Variants in GREB1L observed in about 807,000 individuals in gnomAD.
GREB1L encodes the protein GREB1-like protein.
In GREB1L, 17 loss-of-function variants were observed where a neutral mutation model predicts 200.8. The observed-to-expected ratio is 0.08, with a 90% CI of 0.06 to 0.13. The LOEUF (loss-of-function observed/expected upper bound fraction) is 0.13. Among genes scored for constraint, GREB1L ranks in the 10% least tolerant of loss-of-function variants. The probability of loss-of-function intolerance (pLI) is 1.00; values close to 1 mark genes in which losing one functional copy is unlikely to be tolerated. For missense variants in GREB1L, 1,657 were observed against 2,367.7 expected (o/e 0.70, Z 6.23); for synonymous variants, 789 against 893.0 (o/e 0.88, Z 2.08).
At chr18:21,468,713 T>C in intron 15 of GREB1L, 1 of 456,682 alleles carries the variant, frequency 2.2e-6, no homozygotes, top group Non-Finnish European at 4.4e-6. Flanking sequence ...TCATGTCGTT[T>C]TTCCTGTTCC....
intron 15 of GREB1L, among the ~76,000 whole-genome samples, chr18:21,469,863 T>C (rs76779335): frequency 0.011 from 1,681 of 152,340 alleles, 23 homozygotes; most frequent in Middle Eastern, 0.027. Flanking sequence ...CACTGTCTTA[T>C]TAACAAAGAA....
At chr18:21,243,266 A>G (rs2037535888) in intron 1 of GREB1L, among the ~76,000 whole-genome samples, 1 of 152,138 alleles carries the variant, frequency 6.6e-6, no homozygotes, top group Non-Finnish European at 1.5e-5. Flanking sequence ...TTTCTCAGTT[A>G]CATGAGTCCA....
chr18:21,297,523 A>T (rs2038549729), intron 1 of GREB1L, among the ~76,000 whole-genome samples: 1 of 152,082 alleles, frequency 6.6e-6, no homozygotes. Flanking sequence ...TCATGTTGTG[A>T]TGGAAGAAGG....
intron 1 of GREB1L, among the ~76,000 whole-genome samples, chr18:21,276,251 G>A (rs911659587): frequency 3.9e-5 from 6 of 152,082 alleles, no homozygotes; most frequent in South Asian, 2.1e-4. Context: ...AACCAGTCCC[G>A]GAGGCCTCGG....
At chr18:21,444,138 C>T in intron 10 of GREB1L, 86 bp from the exon 11 acceptor site, 1 of 894,146 alleles carries the variant, frequency 1.1e-6, no homozygotes, top group East Asian at 2.8e-5. Context: ...TTTTGTTAAG[C>T]AGCTTTGATC....
intron 11 of GREB1L, among the ~76,000 whole-genome samples, chr18:21,445,264 G>A (rs553782418): frequency 7.2e-5 from 11 of 152,252 alleles, no homozygotes; most frequent in African/African-American, 2.6e-4. Context: ...CACCTGAGGT[G>A]GGGAGTTCGA....
intron 1 of GREB1L, among the ~76,000 whole-genome samples, chr18:21,275,258 G>A (rs1171922168): frequency 6.6e-6 from 1 of 151,748 alleles, no homozygotes; most frequent in African/African-American, 2.4e-5. Context: ...AAATAAAAAT[G>A]TTGGTTATAT....
At chr18:21,258,933 A>G (rs1054623608) in intron 1 of GREB1L, among the ~76,000 whole-genome samples, 3 of 152,172 alleles carry the variant, frequency 2.0e-5, no homozygotes, top group African/African-American at 7.2e-5. Flanking sequence ...CATGGAATTG[A>G]TAGTCTGGAA....
intron 1 of GREB1L, among the ~76,000 whole-genome samples, chr18:21,252,510 T>A (rs550374193): frequency 3.8e-4 from 51 of 135,368 alleles, no homozygotes; most frequent in Non-Finnish European, 6.8e-4. Flanking sequence ...TGAGCCGAGA[T>A]CGCACCATTG....
At chr18:21,278,394 A>AAAAT (rs2038210341) in intron 1 of GREB1L, among the ~76,000 whole-genome samples, 1 of 111,994 alleles carries the variant, frequency 8.9e-6, no homozygotes, top group Non-Finnish European at 1.7e-5. Context: ...AAAAAAAAAT[A>AAAAT]AATAAATAAA....
In GREB1L at chr18:21,439,596, A is replaced by G. The variant is rs2033778212; in HGVS notation, c.908A>G (p.Tyr303Cys). Residue 303 changes from tyrosine (Y) to cysteine (C), a missense_variant, in exon 8 of 33, where the codon TAC (tyrosine) becomes TGC (cysteine). Around this residue, in one of 9 missense-constraint regions of GREB1L, gnomAD observed 289 missense variants for 345.1 expected, o/e 0.84. Coordinates refer to ENST00000424526, the MANE Select transcript of GREB1L (RefSeq NM_001142966.3). ...TCCACTCCAGCCCACACAGGGAATT[A>G]CTCTTTGTCACCACGACCTAGCTAT... ...SSSTPAHTGN[Y>C]SLSPRPSYAS... 6.4e-7 allele frequency: 1 copy of G among 1,551,564 alleles called. No individual in the cohort carries two copies. The highest frequency in any genetic ancestry group is 1.2e-5 in the South Asian group (1 of 84,038).
At chr18:21,352,730 G>A (rs1381503591) in intron 1 of GREB1L, among the ~76,000 whole-genome samples, 3 of 151,440 alleles carry the variant, frequency 2.0e-5, no homozygotes, top group African/African-American at 4.9e-5. Flanking sequence ...CACTGCACCC[G>A]GCTTTTATAT....
At chr18:21,298,341 T>C (rs951154271) in intron 1 of GREB1L, among the ~76,000 whole-genome samples, 1 of 152,158 alleles carries the variant, frequency 6.6e-6, no homozygotes, top group Non-Finnish European at 1.5e-5. Flanking sequence ...TCAACAAGTA[T>C]TTTTTTAGTT....
chr18:21,519,173 G>T (rs529537053), intron 31 of GREB1L, among the ~76,000 whole-genome samples: 8 of 152,070 alleles, frequency 5.3e-5, no homozygotes, highest in Non-Finnish European at 1.0e-4. Context: ...AAAACCATCA[G>T]ATATAAAGGC....
At chr18:21,302,144 T>C (rs551124751) in intron 1 of GREB1L, among the ~76,000 whole-genome samples, 31 of 152,332 alleles carry the variant, frequency 2.0e-4, no homozygotes, top group African/African-American at 7.2e-4. Flanking sequence ...GCTATAAATA[T>C]GTTGAAACTA....
chr18:21,258,885 G>A (rs1203160053), intron 1 of GREB1L, among the ~76,000 whole-genome samples: 2 of 152,138 alleles, frequency 1.3e-5, no homozygotes, highest in African/African-American at 2.4e-5. Flanking sequence ...AGTCTAAGCC[G>A]TGTATTTCCA....
intron 6 of GREB1L, among the ~76,000 whole-genome samples, chr18:21,403,411 C>T (rs1205323975): frequency 6.6e-6 from 1 of 152,164 alleles, no homozygotes; most frequent in East Asian, 1.9e-4. Flanking sequence ...TTCTTTGCTT[C>T]TGTTTTTGGA....
chr18:21,385,452 T>TTTC (rs1567968022), intron 4 of GREB1L, among the ~76,000 whole-genome samples: 1 of 151,426 alleles, frequency 6.6e-6, no homozygotes, highest in African/African-American at 2.4e-5. Context: ...CCTGAATAAT[T>TTTC]CTGGTAGCTT....
intron 27 of GREB1L, among the ~76,000 whole-genome samples, chr18:21,509,436 G>C (rs750572579): frequency 6.6e-6 from 1 of 152,124 alleles, no homozygotes; most frequent in Admixed American, 6.5e-5. Context: ...TTGAACCCAC[G>C]TGTTTCTTCT....
Sources: gnomAD v4.1 joint callset for allele counts (sites outside exome capture counted in the v4.1 genomes callset) on GRCh38, gnomAD v4.1.1 for gene constraint, gnomAD v4.1.1 regional missense constraint, MANE v1.5 for transcripts, NCBI Gene and HGNC (gene_info 2026-07-23, HGNC 2026-07-21) for gene names.